Variants in TLN2 observed in about 807,000 individuals in gnomAD.
TLN2 encodes the protein talin 2.
TLN2 carries 118 observed loss-of-function variants against 294.7 expected under a neutral mutation model. The observed-to-expected ratio is 0.40, with a 90% CI of 0.34 to 0.47. TLN2 has a LOEUF of 0.47. Among genes scored for constraint, TLN2 ranks in the 20% least tolerant of loss-of-function variants. The pLI, the probability that TLN2 is intolerant of heterozygous loss-of-function variation, is 0.84. For synonymous variants in TLN2, 1,431 were observed against 1,304.5 expected (o/e 1.10, Z -2.09); for missense variants, 3,083 against 3,282.2 (o/e 0.94, Z 1.48).
chr15:62,563,740 TG>T, intron 1 of TLN2, among the ~76,000 whole-genome samples: 1 of 152,348 alleles, frequency 6.6e-6, no homozygotes, highest in East Asian at 1.9e-4. Flanking sequence ...TCTCTCCCGT[TG>T]GGCACAGTGA....
intron 1 of TLN2, among the ~76,000 whole-genome samples, chr15:62,474,534 C>G (rs984479337): frequency 2.0e-5 from 3 of 151,762 alleles, no homozygotes; most frequent in Non-Finnish European, 2.9e-5. Context: ...CCTAGCTACT[C>G]GGGAGGCTGA....
At chr15:62,443,854 C>T (rs900067789) in intron 1 of TLN2, among the ~76,000 whole-genome samples, 5 of 152,122 alleles carry the variant, frequency 3.3e-5, no homozygotes, top group African/African-American at 1.2e-4. Flanking sequence ...AAAAAATTAG[C>T]CAGGCATGGT....
intron 1 of TLN2, among the ~76,000 whole-genome samples, chr15:62,525,474 C>G (rs2040688029): frequency 6.6e-6 from 1 of 152,198 alleles, no homozygotes; most frequent in African/African-American, 2.4e-5. Flanking sequence ...CAACCATACC[C>G]CACCTTCTCT....
chr15:62,495,053 G>T (rs2038948815), intron 1 of TLN2, among the ~76,000 whole-genome samples: 1 of 152,182 alleles, frequency 6.6e-6, no homozygotes, highest in African/African-American at 2.4e-5. Flanking sequence ...CCACCTCCTA[G>T]CTGTGCTACC....
chr15:62,705,796 G>T (rs1366675444), intron 19 of TLN2, among the ~76,000 whole-genome samples: 2 of 152,220 alleles, frequency 1.3e-5, no homozygotes, highest in Admixed American at 6.5e-5. Context: ...GTGCCAGTCA[G>T]ATCCCAAAGG....
chr15:62,674,410 A>T (rs1005718649), intron 10 of TLN2, among the ~76,000 whole-genome samples: 4 of 152,238 alleles, frequency 2.6e-5, no homozygotes, highest in African/African-American at 9.6e-5. Flanking sequence ...AATATAAATT[A>T]AAATACAAAT....
chr15:62,504,785 C>G (rs1040426415), intron 1 of TLN2, among the ~76,000 whole-genome samples: 11 of 148,926 alleles, frequency 7.4e-5, no homozygotes, highest in African/African-American at 2.5e-4. Flanking sequence ...GAGAGGGTAA[C>G]AGGAAGAAAG....
intron 45 of TLN2, among the ~76,000 whole-genome samples, chr15:62,792,126 C>T (rs530192991): frequency 1.3e-5 from 2 of 152,280 alleles, no homozygotes; most frequent in Admixed American, 6.5e-5. Context: ...AGTTGGTAAA[C>T]ATACCAATTT....
chr15:62,433,445 C>T (rs778272214), intron 1 of TLN2, among the ~76,000 whole-genome samples: 2 of 152,076 alleles, frequency 1.3e-5, no homozygotes, highest in African/African-American at 2.4e-5. Flanking sequence ...TGACTGTCAC[C>T]GAGGCAGACC....
At chr15:62,634,692 C>T (rs1162242314) in intron 3 of TLN2, among the ~76,000 whole-genome samples, 1 of 152,166 alleles carries the variant, frequency 6.6e-6, no homozygotes, top group African/African-American at 2.4e-5. Context: ...ATTTTATTAA[C>T]TAAAGGAAAA....
At chr15:62,554,476 C>G (rs1302583953) in intron 1 of TLN2, among the ~76,000 whole-genome samples, 1 of 151,348 alleles carries the variant, frequency 6.6e-6, no homozygotes, top group Non-Finnish European at 1.5e-5. Context: ...GAAAGAGATA[C>G]TAAAATGTTC....
chr15:62,723,529 CTG>C lies in TLN2; in HGVS notation c.3126+1045_3126+1046del, dbSNP rs1472781340. On this transcript the variant is annotated intron_variant, in intron 26 of 58. Transcript: ENST00000636159. ...TGTCCATTGGGTACAGGAAGACACA[CTG>C]TGAAAACTTTTTTTTTTTTTTTTTT... Among the ~76,000 whole-genome samples the C allele has an allele frequency of 2.9e-5, 4 of 138,698 alleles. No individual in the cohort carries two copies. The East Asian group carries it at 9.0e-4, about 31-fold the overall frequency. The allele number at this position is 138,698 out of a possible 152,430, so 91.0% of individuals were successfully genotyped here.
chr15:62,670,445 C>T (rs899469794), intron 9 of TLN2, among the ~76,000 whole-genome samples: 2 of 152,192 alleles, frequency 1.3e-5, no homozygotes, highest in African/African-American at 4.8e-5. Context: ...CCAATTCTCT[C>T]TGAATCATTC....
intron 1 of TLN2, among the ~76,000 whole-genome samples, chr15:62,420,503 TCTC>T (rs1197668802): frequency 1.3e-5 from 2 of 151,998 alleles, no homozygotes; most frequent in Non-Finnish European, 1.5e-5. Flanking sequence ...TTCAAGCAAT[TCTC>T]CTGCTTCAGC....
chr15:62,714,112 C>T (rs1429647533), intron 22 of TLN2, among the ~76,000 whole-genome samples: 1 of 146,130 alleles, frequency 6.8e-6, no homozygotes, highest in African/African-American at 2.5e-5. Context: ...CCTTATTTTA[C>T]AAATGAAAAA....
chr15:62,745,607 G>A (rs907980840), intron 32 of TLN2, among the ~76,000 whole-genome samples: 5 of 152,034 alleles, frequency 3.3e-5, no homozygotes, highest in Non-Finnish European at 5.9e-5. Context: ...CCTTAATCAC[G>A]TAACACATAT....
intron 1 of TLN2, among the ~76,000 whole-genome samples, chr15:62,574,146 T>G (rs2044175170): frequency 6.6e-6 from 1 of 151,978 alleles, no homozygotes; most frequent in African/African-American, 2.4e-5. Context: ...CCATCTCAAT[T>G]ATGAATTCTC....
intron 2 of TLN2, among the ~76,000 whole-genome samples, chr15:62,602,542 C>T (rs75151659): frequency 0.015 from 2,210 of 152,236 alleles, 60 homozygotes; most frequent in African/African-American, 0.051. Context: ...CTGCTATAAA[C>T]GGAGTGGCCT....
chr15:62,838,593 G>A (rs2141266624), intron 57 of TLN2, among the ~76,000 whole-genome samples: 1 of 152,268 alleles, frequency 6.6e-6, no homozygotes, highest in East Asian at 1.9e-4. Context: ...TTACATAATT[G>A]TAATTCCCCT....
Sources: allele counts gnomAD v4.1 joint callset (sites outside exome capture counted in the v4.1 genomes callset), GRCh38; gene constraint gnomAD v4.1.1; transcripts MANE v1.5; gene names NCBI Gene and HGNC (gene_info 2026-07-23, HGNC 2026-07-21).